The following SRRM4 variants were observed in gnomAD, a reference collection of about 807,000 sequenced individuals.
SRRM4 encodes serine/arginine repetitive matrix 4, also known as serine/arginine repetitive matrix protein 4.
In SRRM4, 33 loss-of-function variants were observed where a neutral mutation model predicts 68.9. The ratio of observed to expected loss-of-function variants is 0.48; its 90% confidence interval spans 0.36 to 0.64. The LOEUF is 0.64. Among genes scored for constraint, SRRM4 ranks in the 30% least tolerant of loss-of-function variants. SRRM4 has a pLI of 0.00. For synonymous variants in SRRM4, 318 were observed against 318.8 expected (o/e 1.00, Z 0.03); for missense variants, 817 against 827.1 (o/e 0.99, Z 0.15).
rs537088423 is a variant in SRRM4, at chr12:119,079,437, G to A, written c.132-22799G>A. ...TGGCAGGAGAGAGATGGGAGACAGA[G>A]AGACCAATTAGAAGGCTACAGTCCA... On this transcript the variant is annotated intron_variant, in intron 1 of 12. Transcript: ENST00000267260. Among the ~76,000 whole-genome samples the A allele has an allele frequency of 4.6e-5, 7 of 152,318 alleles. No homozygotes were observed. The South Asian group carries it at 1.5e-3, about 32-fold the overall frequency.
chr12:119,062,987 T>A (rs184355833), intron 1 of SRRM4, among the ~76,000 whole-genome samples: 27 of 152,374 alleles, frequency 1.8e-4, no homozygotes, highest in African/African-American at 6.2e-4. Flanking sequence ...AGACACATAG[T>A]AAGCCTTCAG....
intron 1 of SRRM4, among the ~76,000 whole-genome samples, chr12:119,093,942 A>G (rs566899726): frequency 6.6e-6 from 1 of 152,244 alleles, no homozygotes; most frequent in South Asian, 2.1e-4. Flanking sequence ...ATTGGAGGGC[A>G]GTGGATGGAT....
intron 1 of SRRM4, among the ~76,000 whole-genome samples, chr12:119,024,057 AT>A (rs1355455177): frequency 6.6e-6 from 1 of 152,048 alleles, no homozygotes; most frequent in Non-Finnish European, 1.5e-5. Flanking sequence ...TTATGTGATT[AT>A]TTGTTGAATG....
chr12:119,154,466 A>G lies in SRRM4; in HGVS notation c.1532+83A>G. On this transcript the variant is annotated intron_variant, in intron 12 of 12. Coordinates refer to ENST00000267260, the MANE Select transcript of SRRM4 (RefSeq NM_194286.4). This position sits in a 1 kb window ranked among gnomAD's most constrained non-coding sequence, Gnocchi z 4.7. ...CTCATTCGAGCCTCAGGCTCTCCCT[A>G]GGCCTCCTTGGGGCTGGGATTTAGG... 1 of 1,501,654 alleles carries G rather than the reference A, an allele frequency of 6.7e-7. No individual in the cohort carries two copies. Among genetic ancestry groups the G allele is most frequent in the South Asian group, 1.2e-5 (1 of 83,528 alleles). 93.0% of individuals were successfully genotyped at this position (1,501,654 alleles called of 1,614,324 possible).
At chr12:118,982,035 G>C (rs759516567) in intron 1 of SRRM4, 22 bp downstream of exon 1, 10 of 1,596,958 alleles carry the variant, frequency 6.3e-6, no homozygotes, top group Admixed American at 5.2e-5. Context: ...CTTCTTAGAA[G>C]GGGGGATCCT....
intron 1 of SRRM4, among the ~76,000 whole-genome samples, chr12:119,099,790 C>T (rs975763231): frequency 7.2e-5 from 11 of 152,174 alleles, no homozygotes; most frequent in African/African-American, 2.7e-4. Context: ...CTCAGTTCTT[C>T]TTCACATAGG....
chr12:119,119,912 G>A (rs905663682), intron 4 of SRRM4, among the ~76,000 whole-genome samples: 4 of 152,074 alleles, frequency 2.6e-5, no homozygotes, highest in African/African-American at 4.8e-5. Context: ...TGGAGCACCG[G>A]TAGGCTTTGA....
chr12:119,013,421 T>C (rs1953461937), intron 1 of SRRM4, among the ~76,000 whole-genome samples: 1 of 152,204 alleles, frequency 6.6e-6, no homozygotes, highest in Admixed American at 6.5e-5. Flanking sequence ...TAAATGAGTT[T>C]TAATCATAAA....
chr12:119,099,794 A>T (rs528334344), intron 1 of SRRM4, among the ~76,000 whole-genome samples: 1 of 152,188 alleles, frequency 6.6e-6, no homozygotes, highest in Non-Finnish European at 1.5e-5. Flanking sequence ...GTTCTTCTTC[A>T]CATAGGCCTC....
Position 119,003,382 on chromosome 12 carries a change from A to AT in SRRM4, c.131+21375dup, listed in dbSNP as rs1044064904. Among the ~76,000 whole-genome samples, 14 of 151,766 alleles carry AT rather than the reference A, an allele frequency of 9.2e-5. No individual in the cohort carries two copies. The East Asian group carries it at 1.2e-3, about 13-fold the overall frequency. ...CCCCCAGGGCTCTGTAGCATCCTTG[A>AT]TTTTTTATACTCTCAGGGACATGCC... On this transcript the variant is annotated intron_variant, in intron 1 of 12. Transcript: ENST00000267260.
intron 1 of SRRM4, among the ~76,000 whole-genome samples, chr12:119,038,488 G>A (rs567820374): frequency 1.3e-5 from 2 of 152,302 alleles, no homozygotes; most frequent in South Asian, 2.1e-4. Flanking sequence ...TGGGATTACA[G>A]GCGTGAGCCA....
At position 119,105,448 on chromosome 12, in the gene SRRM4, T is replaced by C. The variant is rs564565861; in HGVS notation, c.278+3066T>C. ...TACACTCCCACCAACAGTGTAAAAG[T>C]GTTCCTATTTCTCCATATCCTCTCC... On this transcript the variant is annotated intron_variant, in intron 2 of 12. Coordinates refer to ENST00000267260, the MANE Select transcript of SRRM4 (RefSeq NM_194286.4). Among the ~76,000 whole-genome samples, 48 of 152,304 alleles carry C rather than the reference T, an allele frequency of 3.2e-4. No individual in the cohort carries two copies. In the South Asian group the frequency reaches 9.7e-3, roughly 31 times the overall value.
intron 3 of SRRM4, among the ~76,000 whole-genome samples, chr12:119,115,557 C>G (rs1954174253): frequency 6.6e-6 from 1 of 152,122 alleles, no homozygotes; most frequent in Non-Finnish European, 1.5e-5. Context: ...TTCACAGACA[C>G]CCCTTAGCCT....
intron 8 of SRRM4, among the ~76,000 whole-genome samples, chr12:119,133,626 G>C (rs1485107287): frequency 6.6e-6 from 1 of 152,226 alleles, no homozygotes; most frequent in Non-Finnish European, 1.5e-5. Context: ...AGAGATGGAA[G>C]AAGTTTCCAG....
chr12:119,129,993 AT>A (rs1954284909), intron 7 of SRRM4, among the ~76,000 whole-genome samples: 1 of 151,160 alleles, frequency 6.6e-6, no homozygotes, highest in Admixed American at 6.6e-5. Flanking sequence ...GGATGGATGG[AT>A]GGATGGATGG....
intron 1 of SRRM4, among the ~76,000 whole-genome samples, chr12:119,040,004 A>C (rs570316922): frequency 6.6e-6 from 1 of 152,286 alleles, no homozygotes; most frequent in African/African-American, 2.4e-5. Flanking sequence ...CAGGGGAGTG[A>C]ATATGGGGAG....
At chr12:119,145,243 TG>T (rs1592916100) in intron 8 of SRRM4, 137 bp from the exon 9 acceptor site, 3 of 756,364 alleles carry the variant, frequency 4.0e-6, no homozygotes, top group Non-Finnish European at 4.0e-6. Context: ...TTTTGTTTTT[TG>T]GCGTCTCTTC....
At position 118,999,023 on chromosome 12, in the gene SRRM4, C is replaced by T. The variant is rs1053318801; in HGVS notation, c.131+17010C>T. On this transcript the variant is annotated intron_variant, in intron 1 of 12. Transcript: ENST00000267260. ...GTACACAATAAATATTTGTATAATC[C>T]AAGAGTGATAGAGGAGTTGGCTACT... 2.0e-5 allele frequency among the ~76,000 whole-genome samples: 3 copies of T among 152,044 alleles called. No homozygotes were observed. In the East Asian group the frequency reaches 5.8e-4, roughly 29 times the overall value.
In SRRM4 at chr12:119,102,275, T is replaced by C; in HGVS notation, c.171T>C (p.Asp57=). Residue 57 remains aspartate (D), a synonymous_variant, in exon 2 of 13, where the codon GAT becomes GAC. Coordinates refer to ENST00000267260, the MANE Select transcript of SRRM4 (RefSeq NM_194286.4). ...PQNNPVVPAQ[D]GPSEKLGQHL... The stretch of plus-strand genomic sequence containing the variant: ...ATAACCCCGTTGTCCCAGCTCAGGA[T>C]GGACCCTCAGAAAAGCTGGGTCAGC... 1.9e-6 allele frequency: 3 copies of C among 1,613,840 alleles called. No homozygotes were observed. Among genetic ancestry groups the C allele is most frequent in the Non-Finnish European group, 2.5e-6 (3 of 1,179,828 alleles).
Sources: allele counts gnomAD v4.1 joint callset (sites outside exome capture counted in the v4.1 genomes callset), GRCh38; gene constraint gnomAD v4.1.1; non-coding constraint Gnocchi (gnomAD v3.1); transcripts MANE v1.5; gene names NCBI Gene and HGNC (gene_info 2026-07-23, HGNC 2026-07-21).